Variants in FAM117B observed in about 807,000 individuals in gnomAD.
The protein encoded by FAM117B is protein FAM117B.
A neutral mutation model predicts 52.8 loss-of-function variants in FAM117B; 22 were observed. That is an observed-to-expected ratio of 0.42 (90% CI 0.30 to 0.59). The LOEUF is 0.59. FAM117B is among the 20% of genes least tolerant of loss of function. FAM117B has a pLI of 0.22. For missense variants in FAM117B, 678 were observed against 802.6 expected (o/e 0.84, Z 1.88); for synonymous variants, 309 against 324.1 (o/e 0.95, Z 0.50).
At chr2:202,763,670 C>T (rs975664100) in intron 7 of FAM117B, among the ~76,000 whole-genome samples, 2 of 152,130 alleles carry the variant, frequency 1.3e-5, no homozygotes, top group African/African-American at 4.8e-5. Context: ...ACTTGTGGCA[C>T]TAAAAGTACT....
chr2:202,750,413 T>C (rs1691704909), intron 4 of FAM117B, among the ~76,000 whole-genome samples: 2 of 152,016 alleles, frequency 1.3e-5, no homozygotes, highest in South Asian at 2.1e-4. Context: ...CTCGGGAGGC[T>C]GAGGTGGGAG....
At chr2:202,713,660 CCT>C (rs1486454294) in intron 2 of FAM117B, among the ~76,000 whole-genome samples, 1 of 151,896 alleles carries the variant, frequency 6.6e-6, no homozygotes, top group East Asian at 1.9e-4. Flanking sequence ...TGTAAAATTC[CCT>C]CTTAGTGCTA....
Position 202,642,904 on chromosome 2 carries a change from G to C in FAM117B, c.601+7116G>C, listed in dbSNP as rs183273892. On this transcript the variant is annotated intron_variant, in intron 1 of 7. Transcript: ENST00000392238. ...CCAGTGAAGAAACCTGTGAAATGTG[G>C]TAGGAGGAGAAATGGTAGAATAGTG... is the stretch of plus-strand genomic sequence containing the variant. Among the ~76,000 whole-genome samples the C allele has an allele frequency of 4.6e-5, 7 of 152,302 alleles. No homozygotes were observed. In the East Asian group the frequency reaches 1.4e-3, roughly 29 times the overall value.
intron 1 of FAM117B, among the ~76,000 whole-genome samples, chr2:202,678,536 G>C (rs1690412216): frequency 6.6e-6 from 1 of 152,136 alleles, no homozygotes; most frequent in African/African-American, 2.4e-5. Flanking sequence ...AAGACAGTGG[G>C]AATCTCCATG....
chr2:202,644,060 T>TTTTTTTTTGTTTG (rs1257256828), intron 1 of FAM117B, among the ~76,000 whole-genome samples: 12 of 134,408 alleles, frequency 8.9e-5, no homozygotes, highest in African/African-American at 3.3e-4. Flanking sequence ...GCTGTTTTTT[T>TTTTTTTTTGTTTG]TTTGTTTTTT....
At position 202,648,581 on chromosome 2, in the gene FAM117B, A is replaced by G. The variant is rs1689906723; in HGVS notation, c.601+12793A>G. ...TATGTATGTGTGTGTGTGTGCGTGT[A>G]TGTCGTTGTGCACATAGGTTTATAG... On this transcript the variant is annotated intron_variant, in intron 1 of 7. Transcript: ENST00000392238. Among the ~76,000 whole-genome samples the G allele has an allele frequency of 2.9e-5, 4 of 138,196 alleles. No individual in the cohort carries two copies. In the Admixed American group the frequency reaches 3.4e-4, roughly 12 times the overall value. 90.7% of individuals were successfully genotyped at this position (138,196 alleles called of 152,430 possible). A position where few individuals can be genotyped will look rare whatever the true frequency, so the allele number is the denominator to read the frequency against.
intron 1 of FAM117B, among the ~76,000 whole-genome samples, chr2:202,686,640 C>G (rs1424070144): frequency 6.6e-6 from 1 of 152,058 alleles, no homozygotes; most frequent in Non-Finnish European, 1.5e-5. Context: ...AAACCCGCCT[C>G]TACTAAAAAT....
At chr2:202,751,736 C>T (rs946007576) in intron 4 of FAM117B, among the ~76,000 whole-genome samples, 3 of 134,684 alleles carry the variant, frequency 2.2e-5, no homozygotes, top group East Asian at 4.3e-4. Context: ...TGCACCACTG[C>T]ACTCCAGCCT....
At chr2:202,687,414 GATTT>G (rs1690558581) in intron 1 of FAM117B, among the ~76,000 whole-genome samples, 2 of 152,050 alleles carry the variant, frequency 1.3e-5, no homozygotes. Context: ...GATGGGTGCA[GATTT>G]ATTTATTTAG....
At chr2:202,717,674 G>A (rs1691080109) in intron 2 of FAM117B, among the ~76,000 whole-genome samples, 1 of 152,172 alleles carries the variant, frequency 6.6e-6, no homozygotes, top group Admixed American at 6.5e-5. Context: ...GTCCTTCTCT[G>A]TTCTGAGCCC....
At chr2:202,758,476 G>A (rs1691837039) in intron 6 of FAM117B, among the ~76,000 whole-genome samples, 1 of 152,174 alleles carries the variant, frequency 6.6e-6, no homozygotes, top group Admixed American at 6.5e-5. Flanking sequence ...GATTTTAGTA[G>A]CTGGTTGGCC....
chr2:202,686,552 C>T (rs1387936403), intron 1 of FAM117B, among the ~76,000 whole-genome samples: 2 of 152,194 alleles, frequency 1.3e-5, no homozygotes, highest in Non-Finnish European at 2.9e-5. Flanking sequence ...TGGCTCATGC[C>T]TGTGATCCCA....
intron 2 of FAM117B, among the ~76,000 whole-genome samples, chr2:202,704,674 C>G (rs1690846908): frequency 2.0e-5 from 3 of 152,118 alleles, no homozygotes; most frequent in Admixed American, 6.5e-5. Context: ...TCACTGCAGC[C>G]TCTGCCTCCC....
At chr2:202,689,017 A>G (rs1690583364) in intron 1 of FAM117B, among the ~76,000 whole-genome samples, 1 of 152,230 alleles carries the variant, frequency 6.6e-6, no homozygotes, top group Non-Finnish European at 1.5e-5. Flanking sequence ...TGCCATGGAA[A>G]TAGGTTCTCG....
chr2:202,667,867 G>C (rs1166443778), intron 1 of FAM117B, among the ~76,000 whole-genome samples: 4 of 151,912 alleles, frequency 2.6e-5, no homozygotes, highest in Non-Finnish European at 5.9e-5. Context: ...CCACAGAAAA[G>C]AGTAGTGGAT....
At chr2:202,737,094 G>A (rs1220937406) in intron 4 of FAM117B, among the ~76,000 whole-genome samples, 1 of 151,916 alleles carries the variant, frequency 6.6e-6, no homozygotes, top group African/African-American at 2.4e-5. Context: ...GAAGCTGACT[G>A]GGCTAGTCAG....
intron 4 of FAM117B, among the ~76,000 whole-genome samples, chr2:202,741,416 C>CAAAAAAAA (rs1156278814): frequency 1.4e-4 from 5 of 34,934 alleles, no homozygotes; most frequent in African/African-American, 2.6e-4. Flanking sequence ...GACTCTGTCT[C>CAAAAAAAA]AAAAAAAAAA....
In FAM117B at chr2:202,708,166, G is replaced by C. The variant is rs184231707; in HGVS notation, c.753+12134G>C. ...TAATAGGTATGATAATTATACAGCA[G>C]ATCTCTAGAACTTACTCATTTTGCT... On this transcript the variant is annotated intron_variant, in intron 2 of 7. Coordinates refer to ENST00000392238, the MANE Select transcript of FAM117B (RefSeq NM_173511.4). 1.2e-3 allele frequency among the ~76,000 whole-genome samples: 182 copies of C among 152,278 alleles called. 3 individuals are homozygous for C. In the Middle Eastern group the frequency reaches 0.037, roughly 31 times the overall value.
At chr2:202,751,361 T>C (rs1233542022) in intron 4 of FAM117B, among the ~76,000 whole-genome samples, 1 of 152,184 alleles carries the variant, frequency 6.6e-6, no homozygotes, top group Non-Finnish European at 1.5e-5. Flanking sequence ...AAACTGTATA[T>C]AGAGTTGTCA....
Sources: gnomAD v4.1 joint callset for allele counts (sites outside exome capture counted in the v4.1 genomes callset) on GRCh38, gnomAD v4.1.1 for gene constraint, MANE v1.5 for transcripts, NCBI Gene and HGNC (gene_info 2026-07-23, HGNC 2026-07-21) for gene names.